TENM3: variants seen among roughly 807,000 people sequenced by gnomAD.
TENM3 encodes the protein teneurin transmembrane protein 3.
Under a neutral mutation model 255.1 loss-of-function variants are expected in TENM3, and 63 were observed. The observed-to-expected ratio is 0.25, with a 90% CI of 0.20 to 0.30. The LOEUF is 0.30. Among genes scored for constraint, TENM3 ranks in the 10% least tolerant of loss-of-function variants. The pLI is 1.00. For synonymous variants in TENM3, 1,306 were observed against 1,322.3 expected (o/e 0.99, Z 0.27); for missense variants, 2,929 against 3,461.1 (o/e 0.85, Z 3.86).
intron 3 of TENM3, among the ~76,000 whole-genome samples, chr4:182,423,948 A>T (rs1274769118): frequency 1.3e-5 from 2 of 152,176 alleles, no homozygotes; most frequent in Admixed American, 6.6e-5. Context: ...CAGTTGTGTC[A>T]CTTTATCTTA....
At chr4:182,559,794 C>T (rs1742955156) in intron 3 of TENM3, among the ~76,000 whole-genome samples, 1 of 151,932 alleles carries the variant, frequency 6.6e-6, no homozygotes, top group Admixed American at 6.6e-5. Flanking sequence ...TAGAGAGTAA[C>T]TAGCCCCATG....
the TENM3 span, among the ~76,000 whole-genome samples, chr4:181,456,913 T>A: frequency 6.6e-6 from 1 of 151,854 alleles, no homozygotes; most frequent in Admixed American, 6.6e-5. Flanking sequence ...ACATTTGGAA[T>A]AGAAAATTAC....
At chr4:182,225,199 A>T (rs1386313133) in intron 1 of TENM3, among the ~76,000 whole-genome samples, 2 of 152,182 alleles carry the variant, frequency 1.3e-5, no homozygotes. Flanking sequence ...CTGTTGTAAC[A>T]TGTTTGAGTA....
chr4:182,741,825 AAAG>A (rs1390903934), intron 18 of TENM3, among the ~76,000 whole-genome samples: 1 of 152,230 alleles, frequency 6.6e-6, no homozygotes, highest in Non-Finnish European at 1.5e-5. Context: ...GCAAAGCATT[AAAG>A]AAGTAATCAC....
the TENM3 span, among the ~76,000 whole-genome samples, chr4:181,531,445 T>G: frequency 6.6e-6 from 1 of 152,212 alleles, no homozygotes; most frequent in South Asian, 2.1e-4. Flanking sequence ...GTTGGTTTTG[T>G]TCATCTCATG....
At chr4:182,738,315 A>G (rs1470601869) in intron 17 of TENM3, 86 bp from the exon 18 acceptor site, 1 of 1,301,970 alleles carries the variant, frequency 7.7e-7, no homozygotes, top group African/African-American at 1.5e-5. Context: ...CACAGATGTG[A>G]AAAAGGCAGT....
chr4:181,570,674 G>GCAAGCAAGCAAGCAAGCAAT, the TENM3 span, among the ~76,000 whole-genome samples: 39 of 152,100 alleles, frequency 2.6e-4, no homozygotes, highest in African/African-American at 9.4e-4. Context: ...AAGCAAGCAA[G>GCAAGCAAGCAAGCAAGCAAT]CAAGCAAGCA....
intron 5 of TENM3, among the ~76,000 whole-genome samples, chr4:182,639,646 A>G (rs928499605): frequency 2.0e-5 from 3 of 152,242 alleles, no homozygotes; most frequent in African/African-American, 7.2e-5. Flanking sequence ...TAGATAGAAC[A>G]TGAACTGAAG....
rs1561267779 is a variant in TENM3 at position 182,796,730 on chromosome 4, A to T, written c.7307A>T (p.Tyr2436Phe). 6 of 1,611,618 alleles carry T rather than the reference A, an allele frequency of 3.7e-6. No individual in the cohort carries two copies. In the East Asian group the frequency reaches 1.3e-4, roughly 36 times the overall value. ...VPKFDLTEPSYELVKSQQWDD... is the reference protein window; with the variant it reads ...VPKFDLTEPSFELVKSQQWDD... ...AAATTTGATTTAACAGAACCTTCTT[A>T]CGAACTTGTGAAGAGTCAGCAGTGG... The change falls in exon 27 of 28, where the codon TAC becomes TTC. Residue 2436 changes from tyrosine (Y) to phenylalanine (F), a missense_variant. Tyr to Phe is a conservative substitution (Grantham distance 22). Transcript: ENST00000511685.
chr4:182,692,601 AT>A (rs1447044052), intron 12 of TENM3, among the ~76,000 whole-genome samples: 1 of 152,218 alleles, frequency 6.6e-6, no homozygotes, highest in Admixed American at 6.5e-5. Context: ...GCTGATTGGC[AT>A]TTTCCATTTA....
At chr4:182,212,975 A>G (rs1434250315) in intron 1 of TENM3, among the ~76,000 whole-genome samples, 3 of 152,228 alleles carry the variant, frequency 2.0e-5, no homozygotes, top group African/African-American at 7.2e-5. Context: ...TGCCCTGACC[A>G]TTCCACCGTC....
chr4:182,019,056 A>G, the TENM3 span, among the ~76,000 whole-genome samples: 1 of 152,284 alleles, frequency 6.6e-6, no homozygotes, highest in African/African-American at 2.4e-5. Flanking sequence ...GCTTGGCCGC[A>G]TTTGGAGTTC....
chr4:182,247,015 C>T (rs1445031786), intron 1 of TENM3, among the ~76,000 whole-genome samples: 1 of 152,134 alleles, frequency 6.6e-6, no homozygotes, highest in Non-Finnish European at 1.5e-5. Context: ...CGGAACCAGC[C>T]GTGTGGGCAG....
the TENM3 span, among the ~76,000 whole-genome samples, chr4:181,698,465 GA>G: frequency 1.5e-4 from 23 of 148,900 alleles, no homozygotes; most frequent in South Asian, 8.5e-4. Context: ...CTTTATTTTA[GA>G]AAAAAAAAAT....
chr4:181,687,955 T>C, the TENM3 span, among the ~76,000 whole-genome samples: 1 of 152,140 alleles, frequency 6.6e-6, no homozygotes, highest in Non-Finnish European at 1.5e-5. Context: ...TAATCAATAA[T>C]ACTAGCAAAC....
chr4:182,025,095 C>T, the TENM3 span, among the ~76,000 whole-genome samples: 23 of 149,388 alleles, frequency 1.5e-4, no homozygotes, highest in Non-Finnish European at 2.8e-4. Flanking sequence ...GTGGCGCGAC[C>T]TCGGCTCACT....
chr4:181,930,753 T>A, the TENM3 span, among the ~76,000 whole-genome samples: 2 of 152,100 alleles, frequency 1.3e-5, no homozygotes, highest in Non-Finnish European at 2.9e-5. Context: ...TGAACATTGA[T>A]GCAAAATCTT....
the TENM3 span, among the ~76,000 whole-genome samples, chr4:182,075,738 C>A: frequency 6.6e-6 from 1 of 152,136 alleles, no homozygotes; most frequent in Non-Finnish European, 1.5e-5. Flanking sequence ...TGGTGAATTT[C>A]AAATGTTTCA....
chr4:181,838,147 AAAAAG>A, the TENM3 span, among the ~76,000 whole-genome samples: 117,133 of 135,324 alleles, frequency 0.87, 51,617 homozygotes, highest in Non-Finnish European at 0.97. Context: ...TCAAAAAAAA[AAAAAG>A]AAAGAAAGAA....
Sources: gnomAD v4.1 joint callset for allele counts (sites outside exome capture counted in the v4.1 genomes callset) on GRCh38, gnomAD v4.1.1 for gene constraint, MANE v1.5 for transcripts, NCBI Gene and HGNC (gene_info 2026-07-23, HGNC 2026-07-21) for gene names.